The following RNF122 variants were observed in gnomAD, a reference collection of about 807,000 sequenced individuals.
RNF122 encodes ring finger protein 122.
A neutral mutation model predicts 24.2 loss-of-function variants in RNF122; 17 were observed. The observed-to-expected ratio is 0.70, with a 90% confidence interval of 0.48 to 1.06. The LOEUF (loss-of-function observed/expected upper bound fraction) is 1.06, where lower values mean the gene tolerates loss of function less well. RNF122 is among the 50% of genes least tolerant of loss of function. The pLI is 0.00. For synonymous variants in RNF122, 65 were observed against 71.8 expected, an observed-to-expected ratio of 0.91 and a Z score of 0.48; for missense variants, 168 against 198.1, an observed-to-expected ratio of 0.85 and a Z score of 0.91.
At chr8:33,555,510 G>A (rs1195673481) in intron 2 of RNF122, among the ~76,000 whole-genome samples, 1 of 152,152 alleles carries the variant, frequency 6.6e-6, no homozygotes, top group Non-Finnish European at 1.5e-5. Flanking sequence ...GCCCTGTTCT[G>A]TTCTTTGACC....
chr8:33,564,894 T>A (rs143398498), intron 1 of RNF122, among the ~76,000 whole-genome samples: 2,165 of 151,188 alleles, frequency 0.014, 49 homozygotes, highest in African/African-American at 0.046. Flanking sequence ...AAATAAAAAA[T>A]AAAAAAAATA....
At chr8:33,558,561 TG>T in intron 2 of RNF122, 53 bp downstream of exon 2, 5 of 1,489,692 alleles carry the variant, frequency 3.4e-6, no homozygotes, top group Middle Eastern at 2.1e-4. Flanking sequence ...CCCACAACCC[TG>T]GTCTCCTCCC....
At chr8:33,565,436 C>T (rs550106871) in intron 1 of RNF122, among the ~76,000 whole-genome samples, 9 of 152,214 alleles carry the variant, frequency 5.9e-5, no homozygotes, top group Admixed American at 5.2e-4. Context: ...AGGCCAGCTG[C>T]TTCCCATCTC....
rs2128838347 is a variant in RNF122 at position 33,551,101 on chromosome 8, A to C, written c.229-16T>G. ...TAAGCACCACCTGAAAAGAAAGAGG[A>C]GGCATGATGTCCAAAGAAGAACCAA... On this transcript the variant is annotated splice_polypyrimidine_tract_variant and intron_variant, in intron 3 of 5. Transcript: ENST00000256257. 1.2e-6 allele frequency: 2 copies of C among 1,614,048 alleles called. No individual in the cohort carries two copies. Among genetic ancestry groups the C allele is most frequent in the Non-Finnish European group, 1.7e-6 (2 of 1,179,928 alleles).
At chr8:33,563,737 C>A (rs6468176) in intron 1 of RNF122, among the ~76,000 whole-genome samples, 93,932 of 151,508 alleles carry the variant, frequency 0.62, 30,245 homozygotes, top group African/African-American at 0.81. Context: ...CTCCTTCCCC[C>A]GCACTATTTG....
chr8:33,563,121 A>AG (rs1272575810), intron 1 of RNF122, among the ~76,000 whole-genome samples: 31 of 151,484 alleles, frequency 2.0e-4, no homozygotes, highest in African/African-American at 7.5e-4. Flanking sequence ...AAAAAAGAAA[A>AG]AAAAAAAAAA....
At chr8:33,565,406 G>T (rs779589840) in intron 1 of RNF122, among the ~76,000 whole-genome samples, 4 of 151,780 alleles carry the variant, frequency 2.6e-5, no homozygotes, top group Non-Finnish European at 4.4e-5. Flanking sequence ...TAACTAGCTC[G>T]CTTGCCATAC....
At chr8:33,559,425 TC>T (rs1810506755) in intron 1 of RNF122, among the ~76,000 whole-genome samples, 1 of 151,886 alleles carries the variant, frequency 6.6e-6, no homozygotes. Flanking sequence ...GGGTTCCAAC[TC>T]CCCCATCCCT....
intron 4 of RNF122, among the ~76,000 whole-genome samples, chr8:33,550,455 C>A (rs545226258): frequency 4.9e-4 from 74 of 152,230 alleles, no homozygotes; most frequent in African/African-American, 1.6e-3. Context: ...TGTCTGTGGT[C>A]ATGAACAGGA....
chr8:33,557,794 A>C (rs1810477567), intron 2 of RNF122, among the ~76,000 whole-genome samples: 1 of 93,916 alleles, frequency 1.1e-5, no homozygotes, highest in Admixed American at 9.3e-5. Flanking sequence ...ACAGTTTTTT[A>C]GGTTTGTTTT....
At chr8:33,556,633 T>G (rs1014528986) in intron 2 of RNF122, among the ~76,000 whole-genome samples, 3 of 151,814 alleles carry the variant, frequency 2.0e-5, no homozygotes, top group Admixed American at 6.6e-5. Context: ...AGTGGGCAGG[T>G]TGGTGGTCAG....
At chr8:33,560,903 C>A (rs1453614704) in intron 1 of RNF122, among the ~76,000 whole-genome samples, 1 of 151,896 alleles carries the variant, frequency 6.6e-6, no homozygotes, top group East Asian at 1.9e-4. Context: ...TGTATTCCAG[C>A]CTTGGAGACA....
intron 1 of RNF122, among the ~76,000 whole-genome samples, chr8:33,561,489 T>C (rs1032488096): frequency 2.6e-5 from 4 of 152,006 alleles, no homozygotes; most frequent in Admixed American, 6.6e-5. Flanking sequence ...TCCCTGTTTC[T>C]AGTTCCTTCT....
rs369391728 is a variant in RNF122 at position 33,559,143 on chromosome 8, T to A, written c.26-372A>T. Among the ~76,000 whole-genome samples, 6 of 150,846 alleles carry A rather than the reference T, an allele frequency of 4.0e-5. No individual in the cohort carries two copies. The East Asian group carries it at 9.8e-4, about 25-fold the overall frequency. ...ATAAGACCCCATCTCTAAAAAAAAA[T>A]AGAAAAATTAGCTAGGCATGGTAGC... On this transcript the variant is annotated intron_variant, in intron 1 of 5. Coordinates refer to ENST00000256257, the MANE Select transcript of RNF122 (RefSeq NM_024787.3).
chr8:33,550,222 C>A (rs758607743), intron 4 of RNF122, among the ~76,000 whole-genome samples: 2 of 152,182 alleles, frequency 1.3e-5, no homozygotes, highest in Admixed American at 1.3e-4. Flanking sequence ...CATGAGCCAC[C>A]GCACCTGGCC....
At chr8:33,559,392 C>A (rs1810506072) in intron 1 of RNF122, among the ~76,000 whole-genome samples, 1 of 151,966 alleles carries the variant, frequency 6.6e-6, no homozygotes, top group Non-Finnish European at 1.5e-5. Flanking sequence ...GCCCATATTG[C>A]CTTAGCTGAG....
rs1199381962 is a variant in RNF122, at chr8:33,547,884, G to C, written c.*869C>G. 2 of 148,578 alleles carry C rather than the reference G, an allele frequency of 1.3e-5. No homozygotes were observed. The highest frequency in any genetic ancestry group is 5.0e-5 in the African/African-American group (2 of 40,288). The allele number at this position is 148,578 out of a possible 1,614,324, so 9.2% of individuals were successfully genotyped here. ...TCTGGAGATTTCGTATCTAAAGCCT[G>C]AGAGGCGAGGATGAAGTATAAAAAT... On this transcript the variant is annotated 3_prime_UTR_variant, in exon 6 of 6. Transcript: ENST00000256257.
At position 33,567,046 on chromosome 8, in the gene RNF122, G is replaced by C. The variant is rs1810638838; in HGVS notation, c.-323C>G. ...CCCGGGCTGCAGAAGCCCTCGGCCG[G>C]GGGAGGAGGGAAAAACCTTTGCCGG... On this transcript the variant is annotated 5_prime_UTR_variant, in exon 1 of 6. Transcript: ENST00000256257. The C allele has an allele frequency of 7.3e-6, 3 of 410,272 alleles. No individual in the cohort carries two copies. Among genetic ancestry groups the C allele is most frequent in the Non-Finnish European group, 8.9e-6 (2 of 223,554 alleles). 25.4% of individuals were successfully genotyped at this position (410,272 alleles called of 1,614,324 possible). A position where few individuals can be genotyped will look rare whatever the true frequency, so the allele number is the denominator to read the frequency against.
intron 2 of RNF122, among the ~76,000 whole-genome samples, chr8:33,552,149 C>T (rs919022577): frequency 1.3e-4 from 20 of 152,154 alleles, no homozygotes; most frequent in Non-Finnish European, 5.9e-5. Flanking sequence ...GTGGCTCATG[C>T]CTGTAATCCC....
Sources: gnomAD v4.1 joint callset for allele counts (sites outside exome capture counted in the v4.1 genomes callset) on GRCh38, gnomAD v4.1.1 for gene constraint, MANE v1.5 for transcripts, NCBI Gene and HGNC (gene_info 2026-07-23, HGNC 2026-07-21) for gene names.